Variants in LAMA5 observed in about 807,000 individuals in gnomAD.
LAMA5 encodes laminin subunit alpha-5.
A neutral mutation model predicts 433.4 loss-of-function variants in LAMA5; 260 were observed. The observed-to-expected ratio is 0.60, with a 90% CI of 0.54 to 0.66. LAMA5 has a LOEUF of 0.66. Among genes scored for constraint, LAMA5 ranks in the 30% least tolerant of loss-of-function variants. LAMA5 has a pLI of 0.00. For synonymous variants in LAMA5, 2,620 were observed against 2,226.6 expected (o/e 1.18, Z -4.97); for missense variants, 5,378 against 5,258.5 (o/e 1.02, Z -0.70).
Position 62,359,564 on chromosome 20 carries a change from CG to C in LAMA5, c.450+2835del, listed in dbSNP as rs906049646. Among the ~76,000 whole-genome samples the C allele has an allele frequency of 2.0e-5, 3 of 152,052 alleles. No individual in the cohort carries two copies. The highest frequency in any genetic ancestry group is 4.4e-5 in the Non-Finnish European group (3 of 67,960). ...GTGGCCGCTCAGTTCCAGAAGCTTC[CG>C]GAGGATGCAAGGAGATACGCAAGAA... On this transcript the variant is annotated intron_variant, in intron 2 of 79. Transcript: ENST00000252999. The surrounding 1 kb of genome is among the most constrained non-coding windows in gnomAD (Gnocchi z 4.3).
At position 62,334,667 on chromosome 20, in the gene LAMA5, A is replaced by C. The variant is rs546937397; in HGVS notation, c.2483-46T>G. 16 of 1,485,044 alleles carry C rather than the reference A, an allele frequency of 1.1e-5. No homozygotes were observed. In the African/African-American group the frequency reaches 1.9e-4, roughly 18 times the overall value. 92.0% of individuals were successfully genotyped at this position (1,485,044 alleles called of 1,614,324 possible). ...GTCAGAGGCTGCCTGGCCCCCACCCAGCCTCAGGGGCCCCTCACAGCCAGA... is the reference window on the plus strand; with the variant it reads ...GTCAGAGGCTGCCTGGCCCCCACCCCGCCTCAGGGGCCCCTCACAGCCAGA... On this transcript the variant is annotated intron_variant, in intron 20 of 79. Coordinates refer to ENST00000252999, the MANE Select transcript of LAMA5 (RefSeq NM_005560.6).
chr20:62,326,099 A>G (rs1315640082), intron 40 of LAMA5, among the ~76,000 whole-genome samples: 1 of 152,156 alleles, frequency 6.6e-6, no homozygotes, highest in Non-Finnish European at 1.5e-5. Context: ...GGGTGCCTAT[A>G]GTCCCAGCTA....
intron 2 of LAMA5, 131 bp from the exon 3 acceptor site, chr20:62,353,382 C>A (rs1292838378): frequency 1.5e-6 from 1 of 656,370 alleles, no homozygotes; most frequent in Non-Finnish European, 2.6e-6. Flanking sequence ...ACAGGGGGCA[C>A]CTCTGGGTTT....
In LAMA5 at chr20:62,311,147, C is replaced by T. The variant is rs763669526; in HGVS notation, c.10088+15G>A. ...GCGGCCCCTCTCAGCCCACCCCAGC[C>T]GGGCCTGGCCTTACCAGTTCCTATG... is the stretch of plus-strand genomic sequence containing the variant. On this transcript the variant is annotated intron_variant, in intron 73 of 79. Transcript: ENST00000252999. 15 of 1,566,522 alleles carry T rather than the reference C, an allele frequency of 9.6e-6. No individual in the cohort carries two copies. Among genetic ancestry groups the T allele is most frequent in the East Asian group, 2.3e-5 (1 of 44,350 alleles).
At chr20:62,342,340 C>T (rs1982729723) in intron 11 of LAMA5, 1 of 356,152 alleles carries the variant, frequency 2.8e-6, no homozygotes. Flanking sequence ...AATACAATAG[C>T]CACAGAATAC....
chr20:62,328,043 C>T (rs1013362715), intron 35 of LAMA5, 33 bp from the exon 36 acceptor site: 45 of 1,609,060 alleles, frequency 2.8e-5, no homozygotes, highest in Non-Finnish European at 3.6e-5. Context: ...GCCCCCTCCA[C>T]CCCAGGTCAC....
intron 6 of LAMA5, among the ~76,000 whole-genome samples, chr20:62,348,191 C>G (rs1437140839): frequency 6.6e-6 from 1 of 152,184 alleles, no homozygotes; most frequent in Admixed American, 6.5e-5. Flanking sequence ...AAAGATAAAC[C>G]CTGCTAAAGA....
At chr20:62,340,250 A>C (rs895176874) in intron 11 of LAMA5, among the ~76,000 whole-genome samples, 1 of 151,858 alleles carries the variant, frequency 6.6e-6, no homozygotes, top group Non-Finnish European at 1.5e-5. Flanking sequence ...TCAGAGGGAC[A>C]GAAATTGAGC....
At position 62,346,587 on chromosome 20, in the gene LAMA5, T is replaced by C. The variant is rs4925229; in HGVS notation, c.1201A>G (p.Thr401Ala). The C allele has an allele frequency of 0.96, 1,534,015 of 1,598,762 alleles. 740,165 individuals carry two copies. The highest frequency in any genetic ancestry group is 0.98 in the Non-Finnish European group (1,153,126 of 1,173,086). ...GVCIDCQHHT[T>A]GVNCERCLPG... ...AGGCAGCGCTCACAGTTGACGCCGGTGGTGTGGTGCTGGGAGTGCAATGGC... is the reference window on the plus strand; with the variant it reads ...AGGCAGCGCTCACAGTTGACGCCGGCGGTGTGGTGCTGGGAGTGCAATGGC... The change falls in exon 9 of 80, where the codon ACC (threonine) becomes GCC (alanine). Residue 401 changes from threonine (T) to alanine (A), a missense_variant. Thr to Ala is a moderately conservative substitution (Grantham distance 58, BLOSUM62 0). Coordinates refer to ENST00000252999, the MANE Select transcript of LAMA5 (RefSeq NM_005560.6).
Position 62,309,356 on chromosome 20 carries a change from T to C in LAMA5, c.11068A>G (p.Ser3690Gly), listed in dbSNP as rs1327460626. 1.9e-6 allele frequency: 3 copies of C among 1,590,038 alleles called. No homozygotes were observed. The highest frequency in any genetic ancestry group is 2.5e-6 in the Non-Finnish European group (3 of 1,176,496). Residue 3690 changes from serine (S) to glycine (G), a missense_variant, in exon 80 of 80, where the codon AGT becomes GGT. Ser to Gly is a moderately conservative substitution (Grantham distance 56). Transcript: ENST00000252999. ...GTGTCCTAGGCGGCTGGGCAGCCACTGGCCCCCACTGCCCCGTGGACCTCC... is the reference window on the plus strand; with the variant it reads ...GTGTCCTAGGCGGCTGGGCAGCCACCGGCCCCCACTGCCCCGTGGACCTCC... ...SVEVHGAVGA[S>G]GCPAA
intron 48 of LAMA5, 53 bp downstream of exon 48, chr20:62,321,966 G>A: frequency 6.5e-7 from 1 of 1,547,392 alleles, no homozygotes; most frequent in East Asian, 2.2e-5. Flanking sequence ...GGCTGTGTGG[G>A]ACTTGGATTC....
chr20:62,327,810 C>A lies in LAMA5; in HGVS notation c.4797+56G>T, dbSNP rs898112031. 5.7e-6 allele frequency: 9 copies of A among 1,577,418 alleles called. No homozygotes were observed. The African/African-American group carries it at 1.2e-4, about 21-fold the overall frequency. On this transcript the variant is annotated intron_variant, in intron 36 of 79. Transcript: ENST00000252999. ...CTGCCCCGAAAGGCCCGTAAGGACA[C>A]TTTCAGCTGATGAGGCCGGAGGGAG...
At chr20:62,353,097 G>T in intron 3 of LAMA5, 37 bp downstream of exon 3, 2 of 1,463,404 alleles carry the variant, frequency 1.4e-6, no homozygotes, top group Non-Finnish European at 1.9e-6. Flanking sequence ...GGACCCCCCT[G>T]CCTCTCCCCC....
chr20:62,349,827 G>GATGGGGGTGGGGGGGTGATGACGGTGAT (rs1984017654), intron 6 of LAMA5, among the ~76,000 whole-genome samples: 1 of 127,302 alleles, frequency 7.9e-6, no homozygotes, highest in African/African-American at 3.0e-5. Context: ...TGACGGTGAT[G>GATGGGGGTGGGGGGGTGATGACGGTGAT]GTGGGGGTGA....
intron 6 of LAMA5, among the ~76,000 whole-genome samples, chr20:62,349,174 G>A (rs1296507627): frequency 6.6e-6 from 1 of 151,446 alleles, no homozygotes; most frequent in Non-Finnish European, 1.5e-5. Flanking sequence ...AGGAGGCTGA[G>A]GTGGGAGAAT....
In LAMA5 at chr20:62,320,659, C is replaced by T. The variant is rs150944918; in HGVS notation, c.6659G>A (p.Arg2220Gln). 150 of 1,608,488 alleles carry T rather than the reference C, an allele frequency of 9.3e-5. 1 individual carries two copies. The highest frequency in any genetic ancestry group is 1.9e-4 in the South Asian group (17 of 90,706). Residue 2220 changes from arginine to glutamine, a missense_variant, in exon 50 of 80, where the codon CGG becomes CAG. Physicochemically the swap from Arg to Gln is conservative, Grantham distance 43. Transcript: ENST00000252999. ...ASIADLQSQLRSPLGPRHETA... is the reference protein window; with the variant it reads ...ASIADLQSQLQSPLGPRHETA... ...CTCATGGCGGGGGCCCAGGGGGCTC[C>T]GGAGCTGGCTCTGTGGGAGGCGAAA...
intron 1 of LAMA5, among the ~76,000 whole-genome samples, chr20:62,365,540 C>A (rs558715273): frequency 8.1e-4 from 123 of 152,322 alleles, no homozygotes; most frequent in African/African-American, 2.7e-3. Context: ...GCACCTGGAG[C>A]CTCCCCTGCC....
At position 62,311,005 on chromosome 20, in the gene LAMA5, G is replaced by A. The variant is rs773233110; in HGVS notation, c.10178C>T (p.Ala3393Val). 76 of 1,610,380 alleles carry A rather than the reference G, an allele frequency of 4.7e-5. 1 individual carries two copies. The highest frequency in any genetic ancestry group is 5.9e-5 in the Non-Finnish European group (70 of 1,178,892). The change falls in exon 74 of 80, where the codon GCG (alanine) becomes GTG (valine). Residue 3393 changes from alanine to valine, a missense_variant. Ala to Val is a moderately conservative substitution (Grantham distance 64). Coordinates refer to ENST00000252999, the MANE Select transcript of LAMA5 (RefSeq NM_005560.6). Reference protein sequence around the residue: ...ARLRPGSPSLALFLSNGHFVA... With the variant: ...ARLRPGSPSLVLFLSNGHFVA... ...GAAGTGGCCATTGCTCAGGAAGAGC[G>A]CCAGGGAGGGGCTGCCGGGCCTCAG...
intron 11 of LAMA5, among the ~76,000 whole-genome samples, chr20:62,345,120 C>A (rs373344178): frequency 2.0e-5 from 3 of 151,596 alleles, no homozygotes; most frequent in African/African-American, 7.3e-5. Context: ...CGGGTTCAAG[C>A]GATTTTCCTG....
Sources: allele counts gnomAD v4.1 joint callset (sites outside exome capture counted in the v4.1 genomes callset), GRCh38; gene constraint gnomAD v4.1.1; non-coding constraint Gnocchi (gnomAD v3.1); transcripts MANE v1.5; gene names NCBI Gene and HGNC (gene_info 2026-07-23, HGNC 2026-07-21).